The following RALYL variants were observed in gnomAD, a reference collection of about 807,000 sequenced individuals.
RALYL encodes RNA-binding Raly-like protein.
A neutral mutation model predicts 35.1 loss-of-function variants in RALYL; 29 were observed. That is an observed-to-expected ratio of 0.83 (90% confidence interval 0.61 to 1.13). The LOEUF (loss-of-function observed/expected upper bound fraction) is 1.13, where lower values mean the gene tolerates loss of function less well. RALYL is among the 50% of genes most tolerant of loss of function. The pLI is 0.00. For synonymous variants in RALYL, 120 were observed against 127.6 expected (o/e 0.94, Z 0.40); for missense variants, 359 against 360.4 (o/e 1.00, Z 0.03).
At chr8:84,296,938 A>T (rs1400621724) in intron 1 of RALYL, among the ~76,000 whole-genome samples, 1 of 151,902 alleles carries the variant, frequency 6.6e-6, no homozygotes, top group Non-Finnish European at 1.5e-5. Flanking sequence ...AGAGAGCTGA[A>T]TAAGCACCTT....
At chr8:84,843,123 C>A (rs571672071) in intron 4 of RALYL, among the ~76,000 whole-genome samples, 1 of 152,222 alleles carries the variant, frequency 6.6e-6, no homozygotes, top group South Asian at 2.1e-4. Context: ...CCAGGGCAAT[C>A]AGGCAAGAGA....
At chr8:84,654,102 C>T (rs569223933) in intron 2 of RALYL, among the ~76,000 whole-genome samples, 1 of 148,052 alleles carries the variant, frequency 6.8e-6, no homozygotes, top group South Asian at 2.2e-4. Flanking sequence ...TATATATACA[C>T]ACATAGTAGA....
chr8:84,546,538 A>T (rs147911085), intron 2 of RALYL, among the ~76,000 whole-genome samples: 1 of 152,240 alleles, frequency 6.6e-6, no homozygotes, highest in African/African-American at 2.4e-5. Context: ...GAGATAGATG[A>T]CTGTGAATTA....
chr8:84,574,125 G>A (rs2135842827), intron 2 of RALYL, among the ~76,000 whole-genome samples: 1 of 152,116 alleles, frequency 6.6e-6, no homozygotes. Flanking sequence ...AGCAACTAAA[G>A]TTACTTGTGG....
chr8:84,520,477 T>C (rs868432102), intron 1 of RALYL, among the ~76,000 whole-genome samples: 13 of 152,326 alleles, frequency 8.5e-5, no homozygotes, highest in Middle Eastern at 6.8e-3. Flanking sequence ...TTTTCTTCTT[T>C]GTAAAAATTT....
At chr8:84,587,025 C>T (rs1286567353) in intron 2 of RALYL, among the ~76,000 whole-genome samples, 2 of 152,070 alleles carry the variant, frequency 1.3e-5, no homozygotes, top group Non-Finnish European at 2.9e-5. Flanking sequence ...TAACTTCAGC[C>T]CTGGATTTCA....
At chr8:84,231,307 T>C (rs1397986702) in intron 1 of RALYL, among the ~76,000 whole-genome samples, 1 of 152,190 alleles carries the variant, frequency 6.6e-6, no homozygotes, top group East Asian at 1.9e-4. Flanking sequence ...AAGTGTAGTT[T>C]TCAAATTGAC....
At chr8:84,405,396 C>T (rs1375453631) in intron 1 of RALYL, among the ~76,000 whole-genome samples, 2 of 152,002 alleles carry the variant, frequency 1.3e-5, no homozygotes, top group Non-Finnish European at 2.9e-5. Flanking sequence ...ATGAAAAACC[C>T]TTCAAAAATC....
chr8:84,339,178 AC>A (rs1176189395), intron 1 of RALYL, among the ~76,000 whole-genome samples: 5 of 151,980 alleles, frequency 3.3e-5, no homozygotes, highest in African/African-American at 1.2e-4. Context: ...ATAAATTGGA[AC>A]CACCAAGAGA....
At chr8:84,383,245 G>T (rs551871649) in intron 1 of RALYL, among the ~76,000 whole-genome samples, 7 of 151,684 alleles carry the variant, frequency 4.6e-5, no homozygotes, top group Admixed American at 4.6e-4. Context: ...GTAAAACATT[G>T]TCCTATTAAT....
chr8:84,796,433 A>G (rs1821917997), intron 3 of RALYL, among the ~76,000 whole-genome samples: 1 of 152,368 alleles, frequency 6.6e-6, no homozygotes, highest in Middle Eastern at 3.4e-3. Context: ...TCCTTTCCCT[A>G]TTACATAAAG....
chr8:84,212,922 C>T (rs1819852832), intron 1 of RALYL, among the ~76,000 whole-genome samples: 1 of 151,854 alleles, frequency 6.6e-6, no homozygotes, highest in Non-Finnish European at 1.5e-5. Flanking sequence ...ATAAGTAATA[C>T]AATAAAAAGT....
intron 3 of RALYL, among the ~76,000 whole-genome samples, chr8:84,779,622 A>G (rs1238774530): frequency 6.6e-6 from 1 of 152,210 alleles, no homozygotes; most frequent in African/African-American, 2.4e-5. Flanking sequence ...AGTCTTTAAG[A>G]TTGTCAGAAG....
chr8:84,468,165 T>C lies in RALYL; in HGVS notation c.-23-61134T>C, dbSNP rs532320244. Reference sequence around the variant, plus strand: ...TACATTTAAAGTTAATATTGTTATGTGTGAATTTGATCCTGTCATTATGAT... The same window carrying C: ...TACATTTAAAGTTAATATTGTTATGCGTGAATTTGATCCTGTCATTATGAT... On this transcript the variant is annotated intron_variant, in intron 1 of 8. Coordinates refer to ENST00000521268, the MANE Select transcript of RALYL (RefSeq NM_173848.7). Among the ~76,000 whole-genome samples the C allele has an allele frequency of 3.3e-5, 5 of 152,220 alleles. No individual in the cohort carries two copies. The East Asian group carries it at 9.7e-4, about 29-fold the overall frequency.
At chr8:84,794,280 A>T (rs2465981) in intron 3 of RALYL, among the ~76,000 whole-genome samples, 41,682 of 152,164 alleles carry the variant, frequency 0.27, 6,159 homozygotes, top group African/African-American at 0.36. Flanking sequence ...AAGTGGAGTA[A>T]AAGATAAATG....
intron 1 of RALYL, among the ~76,000 whole-genome samples, chr8:84,437,049 A>G (rs934421401): frequency 4.6e-5 from 7 of 151,920 alleles, no homozygotes; most frequent in Admixed American, 3.9e-4. Flanking sequence ...AGTAGTCCCA[A>G]TGTTTATTGC....
At chr8:84,553,978 G>A (rs970635632) in intron 2 of RALYL, among the ~76,000 whole-genome samples, 2 of 152,210 alleles carry the variant, frequency 1.3e-5, no homozygotes, top group Non-Finnish European at 1.5e-5. Flanking sequence ...AATACAAAAT[G>A]CTTTTTAAAA....
chr8:84,684,619 T>G (rs1201527224), intron 2 of RALYL, among the ~76,000 whole-genome samples: 1 of 152,168 alleles, frequency 6.6e-6, no homozygotes. Context: ...AAGTTAGTAT[T>G]TGAAAGGTCA....
At chr8:84,425,880 G>T (rs1192397537) in intron 1 of RALYL, among the ~76,000 whole-genome samples, 1 of 150,928 alleles carries the variant, frequency 6.6e-6, no homozygotes, top group Non-Finnish European at 1.5e-5. Context: ...AATTTAACTG[G>T]GGTTTGGTTG....
Sources: gnomAD v4.1 joint callset for allele counts (sites outside exome capture counted in the v4.1 genomes callset) on GRCh38, gnomAD v4.1.1 for gene constraint, MANE v1.5 for transcripts, NCBI Gene and HGNC (gene_info 2026-07-23, HGNC 2026-07-21) for gene names.